The following GFPT1 variants were observed in gnomAD, a reference collection of about 807,000 sequenced individuals.
GFPT1 encodes the protein glutamine--fructose-6-phosphate aminotransferase [isomerizing] 1.
In GFPT1, 40 loss-of-function variants were observed where a neutral mutation model predicts 92.0. The ratio of observed to expected loss-of-function variants is 0.43; its 90% CI spans 0.34 to 0.57. The LOEUF is 0.57. GFPT1 is among the 20% of genes least tolerant of loss of function. The pLI, the probability that GFPT1 is intolerant of heterozygous loss-of-function variation, is 0.02. For missense variants in GFPT1, 448 were observed against 869.1 expected (o/e 0.52, Z 6.09); for synonymous variants, 269 against 280.6 (o/e 0.96, Z 0.41).
At position 69,326,137 on chromosome 2, in the gene GFPT1, G is replaced by GT; in HGVS notation, c.*51dup. 8.7e-7 allele frequency: 1 copy of GT among 1,146,788 alleles called. No homozygotes were observed. The highest frequency in any genetic ancestry group is 2.3e-5 in the East Asian group (1 of 42,700). 71.0% of individuals were successfully genotyped at this position (1,146,788 alleles called of 1,614,324 possible). On this transcript the variant is annotated 3_prime_UTR_variant, in exon 20 of 20. Transcript: ENST00000357308. ...TAAATCAAGGTTTTAAATACAAAAG[G>GT]TGTCTTGTGTTGCTTAATCATACAG...
At position 69,370,015 on chromosome 2, in the gene GFPT1, T is replaced by C. The variant is rs530830788; in HGVS notation, c.209A>G (p.Asp70Gly). ...IKKKGKVKAL[D>G]EEVHKQQDMD... is the part of the protein sequence containing the mutation. The stretch of plus-strand genomic sequence containing the variant: ...AAGTACGTTACTGTGAACTTCTTCA[T>C]CCAGTGCCTTAACTTTTCCTTTCTT... Residue 70 changes from aspartate (D) to glycine (G), a missense_variant, in exon 3 of 20, where the codon GAT (aspartate) becomes GGT (glycine). Transcript: ENST00000357308. 4.4e-6 allele frequency: 7 copies of C among 1,577,934 alleles called. No individual in the cohort carries two copies. In the Admixed American group the frequency reaches 1.0e-4, roughly 23 times the overall value.
chr2:69,329,217 T>C, intron 17 of GFPT1, 80 bp downstream of exon 17: 1 of 1,371,110 alleles, frequency 7.3e-7, no homozygotes, highest in Non-Finnish European at 1.0e-6. Context: ...ACCTATTTCA[T>C]TCATTTAATG....
intron 10 of GFPT1, 61 bp from the exon 11 acceptor site, chr2:69,348,395 C>G: frequency 3.1e-6 from 4 of 1,292,780 alleles, no homozygotes; most frequent in Non-Finnish European, 4.5e-6. Flanking sequence ...ACAAATGAAA[C>G]TATCATTTGG....
At chr2:69,382,209 A>C (rs751952876) in intron 1 of GFPT1, among the ~76,000 whole-genome samples, 16 of 152,200 alleles carry the variant, frequency 1.1e-4, no homozygotes, top group Non-Finnish European at 2.2e-4. Flanking sequence ...GTAAATACAG[A>C]ACTCTTTTGT....
At chr2:69,352,612 C>CAAA (rs748958210) in intron 9 of GFPT1, among the ~76,000 whole-genome samples, 1,006 of 45,910 alleles carry the variant, frequency 0.022, 91 homozygotes, top group East Asian at 0.048. Context: ...GACTTCGTCT[C>CAAA]AAAAAAAAAA....
At chr2:69,372,784 A>C (rs569442517) in intron 2 of GFPT1, among the ~76,000 whole-genome samples, 1 of 152,224 alleles carries the variant, frequency 6.6e-6, no homozygotes, top group Non-Finnish European at 1.5e-5. Flanking sequence ...ACAAATGTCC[A>C]TTCCATGTGG....
In GFPT1 at chr2:69,324,407, C is replaced by T. The variant is rs540839837; in HGVS notation, c.*1782G>A. ...AACATAAGAAATGACACTATACACA[C>T]GCTAGCTGACTTACACAAAATAATC... On this transcript the variant is annotated 3_prime_UTR_variant, in exon 20 of 20. Transcript: ENST00000357308. The T allele has an allele frequency of 1.5e-4, 23 of 152,204 alleles. No homozygotes were observed. Among genetic ancestry groups the T allele is most frequent in the African/African-American group, 4.6e-4 (19 of 41,524 alleles). The allele number at this position is 152,204 out of a possible 1,614,324, so 9.4% of individuals were successfully genotyped here.
At position 69,325,511 on chromosome 2, in the gene GFPT1, A is replaced by C. The variant is rs1670506748; in HGVS notation, c.*678T>G. 1 of 152,190 alleles carries C rather than the reference A, an allele frequency of 6.6e-6. No individual in the cohort carries two copies. Among genetic ancestry groups the C allele is most frequent in the African/African-American group, 2.4e-5 (1 of 41,436 alleles). The allele number at this position is 152,190 out of a possible 1,614,324, so 9.4% of individuals were successfully genotyped here. Reference sequence around the variant, plus strand: ...CTTGAATTTAAAGTTTGTGCTATAAAATTGTGCAAATATGTTAAGGATTGA... The same window carrying C: ...CTTGAATTTAAAGTTTGTGCTATAACATTGTGCAAATATGTTAAGGATTGA... On this transcript the variant is annotated 3_prime_UTR_variant, in exon 20 of 20. Transcript: ENST00000357308.
At chr2:69,336,271 G>A (rs1307306904) in intron 15 of GFPT1, among the ~76,000 whole-genome samples, 13 of 150,592 alleles carry the variant, frequency 8.6e-5, no homozygotes, top group Admixed American at 5.3e-4. Flanking sequence ...CCCAGGAGGC[G>A]GGGGTTGCAG....
At chr2:69,347,716 T>A (rs986712386) in intron 11 of GFPT1, among the ~76,000 whole-genome samples, 3 of 151,532 alleles carry the variant, frequency 2.0e-5, no homozygotes, top group African/African-American at 7.3e-5. Flanking sequence ...CTCCCCACCT[T>A]AGGTGATCTG....
intron 13 of GFPT1, 110 bp from the exon 14 acceptor site, chr2:69,338,675 C>G (rs182100625): frequency 2.0e-6 from 2 of 1,011,798 alleles, no homozygotes; most frequent in Non-Finnish European, 1.5e-6. Flanking sequence ...AAAAATGACA[C>G]GTTAGAAAAT....
chr2:69,348,919 T>G lies in GFPT1; in HGVS notation c.846-585A>C, dbSNP rs1574061265. On this transcript the variant is annotated intron_variant, in intron 10 of 19. Coordinates refer to ENST00000357308, the MANE Select transcript of GFPT1 (RefSeq NM_001244710.2). ...TCTCCAGCTTCATCTCCCCCCAAGC[T>G]TCCTCTCACTCTCTCTATTCTGGCC... is the stretch of plus-strand genomic sequence containing the variant. Among the ~76,000 whole-genome samples, 7 of 152,194 alleles carry G rather than the reference T, an allele frequency of 4.6e-5. No homozygotes were observed. In the South Asian group the frequency reaches 1.5e-3, roughly 32 times the overall value.
intron 1 of GFPT1, among the ~76,000 whole-genome samples, chr2:69,374,619 C>T (rs1172139129): frequency 6.6e-6 from 1 of 152,128 alleles, no homozygotes; most frequent in Non-Finnish European, 1.5e-5. Context: ...GGCAAAGAAG[C>T]TTATAAAGCT....
intron 3 of GFPT1, 86 bp from the exon 4 acceptor site, chr2:69,363,756 A>G (rs1321534079): frequency 3.3e-6 from 3 of 920,662 alleles, no homozygotes; most frequent in Non-Finnish European, 5.2e-6. Context: ...AATTATTACA[A>G]TGCTGCTCTC....
chr2:69,323,798 CCCAA>C lies in GFPT1; in HGVS notation c.*2387_*2390del, dbSNP rs1322350136. ...TCAAGCGATTCTCCTGCCTCAGCCTCCCAAGTAGTTGGGACTACAGGCGCACGCC... is the reference window on the plus strand; with the variant it reads ...TCAAGCGATTCTCCTGCCTCAGCCTCGTAGTTGGGACTACAGGCGCACGCC... On this transcript the variant is annotated 3_prime_UTR_variant, in exon 20 of 20. Transcript: ENST00000357308. 6.6e-6 allele frequency: 1 copy of C among 152,504 alleles called. No individual in the cohort carries two copies. The highest frequency in any genetic ancestry group is 1.5e-5 in the Non-Finnish European group (1 of 68,478). 9.4% of individuals were successfully genotyped at this position (152,504 alleles called of 1,614,324 possible).
Position 69,356,545 on chromosome 2 carries a change from CA to C in GFPT1, c.555del (p.Phe185LeufsTer24). ...ERVIQQLEGA[F>X]ALVFKSVHFP... Reference sequence around the variant, plus strand: ...AAATGAACACTTTTAAACACAAGTGCAAAAGCACCTTCCTAGGGAGGGAAAA... The same window carrying C: ...AAATGAACACTTTTAAACACAAGTGCAAAGCACCTTCCTAGGGAGGGAAAA... On this transcript the variant is annotated frameshift_variant, in exon 7 of 20. Transcript: ENST00000357308. LOFTEE classifies it high-confidence loss of function. 1 of 1,612,826 alleles carries C rather than the reference CA, an allele frequency of 6.2e-7. No individual in the cohort carries two copies. Among genetic ancestry groups the C allele is most frequent in the Non-Finnish European group, 8.5e-7 (1 of 1,178,860 alleles).
At chr2:69,365,345 G>A (rs576783159) in intron 3 of GFPT1, among the ~76,000 whole-genome samples, 1 of 152,262 alleles carries the variant, frequency 6.6e-6, no homozygotes, top group East Asian at 1.9e-4. Context: ...GGTAGCACAC[G>A]CCTGTAATCC....
chr2:69,382,744 T>C (rs1372227430), intron 1 of GFPT1, among the ~76,000 whole-genome samples: 1 of 152,200 alleles, frequency 6.6e-6, no homozygotes, highest in Non-Finnish European at 1.5e-5. Context: ...ATGCCATTAA[T>C]GATTACCTCT....
chr2:69,328,182 C>T (rs186441387), intron 18 of GFPT1, 89 bp downstream of exon 18: 8 of 952,810 alleles, frequency 8.4e-6, no homozygotes, highest in Admixed American at 5.1e-5. Flanking sequence ...TGAGTTAACA[C>T]GTGTAAACAT....
Sources: gnomAD v4.1 joint callset for allele counts (sites outside exome capture counted in the v4.1 genomes callset) on GRCh38, gnomAD v4.1.1 for gene constraint, MANE v1.5 for transcripts, NCBI Gene and HGNC (gene_info 2026-07-23, HGNC 2026-07-21) for gene names.